Variants in ARL15 observed in about 807,000 individuals in gnomAD.
ARL15 encodes ARF like GTPase 15, also known as ADP-ribosylation factor-like protein 15.
ARL15 carries 19 observed loss-of-function variants against 25.2 expected under a neutral mutation model. The observed-to-expected ratio is 0.75, with a 90% CI of 0.53 to 1.10. ARL15 has a LOEUF of 1.10. ARL15 is among the 50% of genes least tolerant of loss of function. The probability of loss-of-function intolerance (pLI) is 0.00; values close to 1 mark genes in which losing one functional copy is unlikely to be tolerated. For synonymous variants in ARL15, 94 were observed against 86.8 expected (o/e 1.08, Z -0.46); for missense variants, 220 against 246.0 (o/e 0.89, Z 0.71).
At chr5:53,935,558 C>T (rs77363816) in intron 4 of ARL15, among the ~76,000 whole-genome samples, 1 of 152,288 alleles carries the variant, frequency 6.6e-6, no homozygotes, top group East Asian at 1.9e-4. Flanking sequence ...ACCCAGCAGA[C>T]AGTAAGCTCT....
chr5:54,270,250 C>T (rs1053515816), intron 1 of ARL15, among the ~76,000 whole-genome samples: 1 of 152,208 alleles, frequency 6.6e-6, no homozygotes, highest in Admixed American at 6.5e-5. Flanking sequence ...CATTCACTTT[C>T]TCAACACTAA....
chr5:54,225,863 A>G (rs886364092), intron 1 of ARL15, among the ~76,000 whole-genome samples: 5 of 152,154 alleles, frequency 3.3e-5, no homozygotes, highest in African/African-American at 9.7e-5. Context: ...ATTACCATCT[A>G]CCTTCTCATT....
chr5:54,215,102 A>G (rs1756150910), intron 1 of ARL15, among the ~76,000 whole-genome samples: 1 of 152,020 alleles, frequency 6.6e-6, no homozygotes, highest in African/African-American at 2.4e-5. Flanking sequence ...GGGGGTGGGG[A>G]GGAGGCCTTT....
At chr5:54,267,569 C>T (rs1757663132) in intron 1 of ARL15, among the ~76,000 whole-genome samples, 1 of 152,130 alleles carries the variant, frequency 6.6e-6, no homozygotes, top group South Asian at 2.1e-4. Flanking sequence ...ATAAATAAAA[C>T]TGTTAATCAT....
chr5:54,159,720 C>T (rs1004255853), intron 2 of ARL15, among the ~76,000 whole-genome samples: 1 of 152,138 alleles, frequency 6.6e-6, no homozygotes, highest in African/African-American at 2.4e-5. Flanking sequence ...TGAAACCTCC[C>T]CTAAGATTTA....
At chr5:53,996,846 T>G (rs1197142246) in intron 4 of ARL15, among the ~76,000 whole-genome samples, 1 of 152,166 alleles carries the variant, frequency 6.6e-6, no homozygotes, top group East Asian at 1.9e-4. Context: ...ACCTTACACC[T>G]GTACCTTACG....
chr5:54,224,011 T>C (rs765709354), intron 1 of ARL15, among the ~76,000 whole-genome samples: 2 of 152,224 alleles, frequency 1.3e-5, no homozygotes, highest in East Asian at 1.9e-4. Flanking sequence ...CAGGGCATCA[T>C]CCACAAACAG....
chr5:54,248,365 C>T (rs1370324469), intron 1 of ARL15, among the ~76,000 whole-genome samples: 3 of 152,182 alleles, frequency 2.0e-5, no homozygotes, highest in African/African-American at 7.2e-5. Context: ...CTTTCTCGGA[C>T]TCACTCTCCT....
intron 1 of ARL15, among the ~76,000 whole-genome samples, chr5:54,246,922 G>C (rs934238171): frequency 6.6e-6 from 1 of 151,570 alleles, no homozygotes; most frequent in African/African-American, 2.4e-5. Context: ...AGAAAAAAAT[G>C]TCTAAAAAGC....
intron 4 of ARL15, among the ~76,000 whole-genome samples, chr5:53,929,170 C>A (rs1317341137): frequency 1.4e-4 from 20 of 142,254 alleles, no homozygotes; most frequent in East Asian, 6.1e-4. Context: ...AAATAAGTTC[C>A]AAAAAAAAAA....
intron 4 of ARL15, among the ~76,000 whole-genome samples, chr5:54,041,953 T>G (rs184757416): frequency 1.2e-3 from 176 of 152,020 alleles, no homozygotes; most frequent in Admixed American, 2.4e-3. Flanking sequence ...GAGGTTTTTT[T>G]GTTCGCTTGT....
intron 3 of ARL15, among the ~76,000 whole-genome samples, chr5:54,145,565 A>G (rs1236952566): frequency 6.6e-6 from 1 of 152,114 alleles, no homozygotes; most frequent in East Asian, 1.9e-4. Context: ...TATGGCCAAC[A>G]TCACTCTCCC....
chr5:54,194,553 T>C (rs1018994570), intron 1 of ARL15, among the ~76,000 whole-genome samples: 2 of 152,198 alleles, frequency 1.3e-5, no homozygotes, highest in African/African-American at 2.4e-5. Flanking sequence ...ATGAAGCATG[T>C]AGTCTAAATG....
At chr5:54,083,463 T>C (rs1318173604) in intron 4 of ARL15, among the ~76,000 whole-genome samples, 2 of 152,222 alleles carry the variant, frequency 1.3e-5, no homozygotes, top group African/African-American at 4.8e-5. Context: ...AAGAATTAAA[T>C]GTGCTTTGGC....
chr5:54,265,384 C>T (rs1486317597), intron 1 of ARL15, among the ~76,000 whole-genome samples: 1 of 152,084 alleles, frequency 6.6e-6, no homozygotes, highest in Non-Finnish European at 1.5e-5. Context: ...ACTTTAAAGA[C>T]TACTTACAGG....
At chr5:54,129,211 A>G (rs1231258423) in intron 3 of ARL15, among the ~76,000 whole-genome samples, 2 of 152,200 alleles carry the variant, frequency 1.3e-5, no homozygotes, top group East Asian at 1.9e-4. Context: ...GGATGCCTCA[A>G]CTATCCAGAA....
At chr5:54,020,318 C>G (rs958860512) in intron 4 of ARL15, among the ~76,000 whole-genome samples, 7 of 152,084 alleles carry the variant, frequency 4.6e-5, no homozygotes, top group Non-Finnish European at 1.0e-4. Context: ...AGGCCACCCC[C>G]CTGCAGTGTC....
intron 4 of ARL15, among the ~76,000 whole-genome samples, chr5:54,009,402 G>GT (rs1376799201): frequency 1.3e-5 from 2 of 151,970 alleles, no homozygotes; most frequent in African/African-American, 2.4e-5. Flanking sequence ...GATTTGTAAG[G>GT]TTTTTTTAAA....
intron 3 of ARL15, among the ~76,000 whole-genome samples, chr5:54,152,971 T>C (rs1393272193): frequency 6.6e-6 from 1 of 152,230 alleles, no homozygotes; most frequent in Non-Finnish European, 1.5e-5. Flanking sequence ...ACAGTTACTG[T>C]TTGTTTCATC....
Sources: allele counts gnomAD v4.1 joint callset (sites outside exome capture counted in the v4.1 genomes callset), GRCh38; gene constraint gnomAD v4.1.1; transcripts MANE v1.5; gene names NCBI Gene and HGNC (gene_info 2026-07-23, HGNC 2026-07-21).